Variants in SASH1 observed in about 807,000 individuals in gnomAD.
SASH1 encodes the protein SAM and SH3 domain containing 1.
A neutral mutation model predicts 125.2 loss-of-function variants in SASH1; 44 were observed. The ratio of observed to expected loss-of-function variants is 0.35; its 90% CI spans 0.28 to 0.45. The LOEUF is 0.45. Among genes scored for constraint, SASH1 ranks in the 20% least tolerant of loss-of-function variants. SASH1 has a pLI of 1.00. For missense variants in SASH1, 1,426 were observed against 1,614.5 expected (o/e 0.88, Z 2.00); for synonymous variants, 639 against 649.1 (o/e 0.98, Z 0.24).
intron 1 of SASH1, among the ~76,000 whole-genome samples, chr6:148,352,486 A>G (rs560950212): frequency 6.6e-6 from 1 of 152,010 alleles, no homozygotes; most frequent in Admixed American, 6.6e-5. Context: ...AGTCCCAGCT[A>G]CTTAAGAGGC....
At chr6:148,390,378 C>G in intron 2 of SASH1, 116 bp downstream of exon 2, 1 of 1,019,836 alleles carries the variant, frequency 9.8e-7, no homozygotes, top group Non-Finnish European at 1.4e-6. Flanking sequence ...TAGGCTGCTG[C>G]ACTAGTGTGG....
chr6:148,248,508 T>TA, the SASH1 span, among the ~76,000 whole-genome samples: 2 of 152,206 alleles, frequency 1.3e-5, no homozygotes, highest in Non-Finnish European at 1.5e-5. Context: ...CTCTACCTGA[T>TA]ACAGGTACAT....
intron 1 of SASH1, among the ~76,000 whole-genome samples, chr6:148,353,435 A>AT (rs377513066): frequency 0.21 from 22,664 of 108,526 alleles, 2,998 homozygotes; most frequent in East Asian, 0.28. Context: ...TTTAAGATTG[A>AT]TTTTTTTTTT....
chr6:148,363,545 C>T (rs967829272), intron 1 of SASH1, among the ~76,000 whole-genome samples: 5 of 152,024 alleles, frequency 3.3e-5, no homozygotes, highest in East Asian at 1.9e-4. Context: ...GGATTACAGG[C>T]GCCCGCCACC....
At chr6:148,542,088 C>T (rs1182028342) in intron 17 of SASH1, among the ~76,000 whole-genome samples, 1 of 152,166 alleles carries the variant, frequency 6.6e-6, no homozygotes, top group Non-Finnish European at 1.5e-5. Context: ...AAGGATCTCA[C>T]AGATATCACT....
At chr6:148,390,574 C>G (rs1011576098) in intron 2 of SASH1, among the ~76,000 whole-genome samples, 5 of 152,142 alleles carry the variant, frequency 3.3e-5, no homozygotes, top group African/African-American at 1.2e-4. Context: ...ATCACGAGGT[C>G]AGGAGATCAA....
chr6:148,404,449 T>C (rs2114880888), intron 2 of SASH1, among the ~76,000 whole-genome samples: 2 of 152,134 alleles, frequency 1.3e-5, no homozygotes, highest in South Asian at 4.2e-4. Context: ...AATATAAACG[T>C]CCAGGATCCA....
chr6:148,438,747 CCA>C (rs1278698306), intron 2 of SASH1, among the ~76,000 whole-genome samples: 22 of 93,084 alleles, frequency 2.4e-4, no homozygotes, highest in African/African-American at 9.4e-4. Flanking sequence ...AAAAAAAAAA[CCA>C]AAACAAACAA....
intron 2 of SASH1, among the ~76,000 whole-genome samples, chr6:148,437,350 G>A (rs1327036072): frequency 6.6e-6 from 1 of 152,024 alleles, no homozygotes; most frequent in Non-Finnish European, 1.5e-5. Flanking sequence ...CTTATCCTCG[G>A]GGGATAAAAT....
intron 1 of SASH1, among the ~76,000 whole-genome samples, chr6:148,334,627 C>A (rs555729107): frequency 6.6e-6 from 1 of 151,770 alleles, no homozygotes; most frequent in South Asian, 2.1e-4. Flanking sequence ...GCCTGGCCAA[C>A]ATGGTGAAAC....
rs141351111 is a variant in SASH1 at position 148,312,746 on chromosome 6, G to A, written n.74+40369G>A. 8.8e-3 allele frequency among the ~76,000 whole-genome samples: 1,346 copies of A among 152,198 alleles called. 19 individuals carry two copies. Among genetic ancestry groups the A allele is most frequent in the African/African-American group, 0.031 (1,276 of 41,534 alleles). On this transcript the variant is annotated intron_variant and non_coding_transcript_variant, in intron 1 of 3. Coordinates refer to the SASH1 transcript ENST00000367469. ...AAAGTTTATTGACCATTTACTCTAC[G>A]CTAGGTTTTAGATGTGCCTTTATAT... is the stretch of plus-strand genomic sequence containing the variant.
intron 2 of SASH1, among the ~76,000 whole-genome samples, chr6:148,424,213 A>G (rs1583135398): frequency 1.3e-5 from 2 of 149,044 alleles, no homozygotes; most frequent in African/African-American, 4.9e-5. Context: ...TCTTTTAGAG[A>G]CGGTGTCTTG....
Position 148,386,736 on chromosome 6 carries a change from A to T in SASH1, c.157-3398A>T, listed in dbSNP as rs79892799. ...GGATCTTCCAGGGTCCCCGGTTGTGATAGGGATCAGATCTGTAACTCATAA... is the reference window on the plus strand; with the variant it reads ...GGATCTTCCAGGGTCCCCGGTTGTGTTAGGGATCAGATCTGTAACTCATAA... On this transcript the variant is annotated intron_variant, in intron 1 of 19. Transcript: ENST00000367467. Among the ~76,000 whole-genome samples, 870 of 152,306 alleles carry T rather than the reference A, an allele frequency of 5.7e-3. 7 individuals are homozygous for T. The highest frequency in any genetic ancestry group is 8.0e-3 in the Non-Finnish European group (546 of 68,018).
At chr6:148,199,358 G>C in the SASH1 span, among the ~76,000 whole-genome samples, 692 of 149,034 alleles carry the variant, frequency 4.6e-3, 1 homozygote, top group Non-Finnish European at 5.3e-3. Context: ...GGGCAACAGT[G>C]CAAGACTCCG....
chr6:148,253,172 T>C, the SASH1 span, among the ~76,000 whole-genome samples: 1 of 152,212 alleles, frequency 6.6e-6, no homozygotes, highest in African/African-American at 2.4e-5. Context: ...TTCATTTTCT[T>C]ATTTCAAAAC....
chr6:148,388,475 C>A (rs926099965), intron 1 of SASH1, among the ~76,000 whole-genome samples: 2 of 152,232 alleles, frequency 1.3e-5, no homozygotes, highest in Non-Finnish European at 2.9e-5. Context: ...CAGACACATT[C>A]AAAGATCTTA....
chr6:148,515,502 G>T (rs6907974), intron 9 of SASH1, among the ~76,000 whole-genome samples: 1 of 152,012 alleles, frequency 6.6e-6, no homozygotes, highest in African/African-American at 2.4e-5. Context: ...GAATAATACC[G>T]AAGCTAAGTG....
At position 148,504,861 on chromosome 6, in the gene SASH1, G is replaced by A. The variant is rs1402667117; in HGVS notation, c.730-9463G>A. Among the ~76,000 whole-genome samples the A allele has an allele frequency of 5.3e-5, 8 of 152,134 alleles. No individual in the cohort carries two copies. The East Asian group carries it at 1.5e-3, about 29-fold the overall frequency. ...ATACCTGAATGACTCCCTGAGAGGC[G>A]TGGCAGTGAGGTTAAAAAGGGGTGG... On this transcript the variant is annotated intron_variant, in intron 8 of 19. Coordinates refer to ENST00000367467, the MANE Select transcript of SASH1 (RefSeq NM_015278.5).
At chr6:148,328,588 A>G (rs2114596404) in intron 1 of SASH1, among the ~76,000 whole-genome samples, 1 of 148,670 alleles carries the variant, frequency 6.7e-6, no homozygotes, top group East Asian at 1.9e-4. Context: ...GCAAGACTCC[A>G]TCTCAAAAAA....
Sources: allele counts gnomAD v4.1 joint callset (sites outside exome capture counted in the v4.1 genomes callset), GRCh38; gene constraint gnomAD v4.1.1; transcripts MANE v1.5; gene names NCBI Gene and HGNC (gene_info 2026-07-23, HGNC 2026-07-21).